Variants in NHSL1 observed in about 807,000 individuals in gnomAD.
NHSL1 encodes the protein NHS like 1.
A neutral mutation model predicts 95.0 loss-of-function variants in NHSL1; 48 were observed. The observed-to-expected ratio is 0.51, with a 90% CI of 0.40 to 0.64. The LOEUF (loss-of-function observed/expected upper bound fraction) is 0.64, where lower values mean the gene tolerates loss of function less well. Ranked by LOEUF, NHSL1 falls within the 30% of genes least tolerant of loss-of-function variation. The pLI is 0.00. For synonymous variants in NHSL1, 783 were observed against 833.9 expected (o/e 0.94, Z 1.05); for missense variants, 1,971 against 2,077.7 (o/e 0.95, Z 1.00).
At chr6:138,651,343 T>C (rs1785090714) in intron 1 of NHSL1, among the ~76,000 whole-genome samples, 1 of 152,234 alleles carries the variant, frequency 6.6e-6, no homozygotes, top group African/African-American at 2.4e-5. Flanking sequence ...TATGACAGTT[T>C]TCCTTTGTAT....
Position 138,433,504 on chromosome 6 carries a change from C to A in NHSL1, c.841G>T (p.Ala281Ser). The A allele has an allele frequency of 1.3e-6, 2 of 1,552,062 alleles. No homozygotes were observed. Among genetic ancestry groups the A allele is most frequent in the Non-Finnish European group, 1.7e-6 (2 of 1,147,106 alleles). ...VVPPSMRRIR[A>S]QKGQGIAAQM... ...GCAGCAATGCCTTGCCCCTTCTGTG[C>A]CCTGATTCTCCTCATGGAAGGTGGT... Residue 281 changes from alanine to serine, a missense_variant, in exon 6 of 8, where the codon GCA (alanine) becomes TCA (serine). Transcript: ENST00000343505.
chr6:138,616,544 G>A (rs1410697897), intron 1 of NHSL1, among the ~76,000 whole-genome samples: 2 of 152,024 alleles, frequency 1.3e-5, no homozygotes, highest in Non-Finnish European at 2.9e-5. Context: ...GAGAGAGAGA[G>A]AGAGCAAGTG....
In NHSL1 at chr6:138,447,070, T is replaced by C. The variant is rs761776586; in HGVS notation, c.463A>G (p.Thr155Ala). The change falls in exon 4 of 8, where the codon ACA becomes GCA. Residue 155 changes from threonine (T) to alanine (A), a missense_variant. Physicochemically the swap from Thr to Ala is moderately conservative, Grantham distance 58. This residue lies in a region of NHSL1 where 1,602 missense variants were observed against 1,654.5 expected (regional missense o/e 0.97). Transcript: ENST00000343505. Reference protein sequence around the residue: ...TNWTKSLPLPTPEEKMRQQAQ... With the variant: ...TNWTKSLPLPAPEEKMRQQAQ... ...TGCTGTCGCATCTTCTCTTCTGGTG[T>C]TGGCAGTGGAAGCGACTTGGTCCAG... The C allele has an allele frequency of 2.6e-6, 4 of 1,551,720 alleles. No homozygotes were observed. Among genetic ancestry groups the C allele is most frequent in the South Asian group, 1.2e-5 (1 of 84,056 alleles).
At chr6:138,617,723 G>A (rs1018658582) in intron 1 of NHSL1, among the ~76,000 whole-genome samples, 4 of 152,244 alleles carry the variant, frequency 2.6e-5, no homozygotes, top group Admixed American at 6.5e-5. Context: ...TTCTGAGAAG[G>A]TCAAGAATTC....
chr6:138,477,338 AC>A (rs1779138563), intron 2 of NHSL1, among the ~76,000 whole-genome samples: 1 of 152,226 alleles, frequency 6.6e-6, no homozygotes, highest in South Asian at 2.1e-4. Flanking sequence ...AGTGGGTCAC[AC>A]CTGTAATCCC....
exon 1 of NHSL1, chr6:138,571,769 C>T (rs1015703458): frequency 6.4e-7 from 1 of 1,552,334 alleles, no homozygotes; most frequent in Non-Finnish European, 8.7e-7. Flanking sequence ...CTGCTGCCCA[C>T]AAACCGAGAG....
At chr6:138,548,151 T>C (rs540856186), upstream of NHSL1, among the ~76,000 whole-genome samples, 18 of 152,134 alleles carry the variant, frequency 1.2e-4, no homozygotes, top group African/African-American at 3.4e-4. Context: ...CCGGCTAATT[T>C]TTTTTTGTAT....
intron 1 of NHSL1, among the ~76,000 whole-genome samples, chr6:138,524,393 AC>A (rs1781814677): frequency 6.6e-6 from 1 of 152,174 alleles, no homozygotes; most frequent in South Asian, 2.1e-4. Context: ...CCTTGCAGCC[AC>A]TAGCCCCATC....
chr6:138,499,320 T>C lies in NHSL1; in HGVS notation c.-30A>G. 3 of 1,549,378 alleles carry C rather than the reference T, an allele frequency of 1.9e-6. No individual in the cohort carries two copies. The highest frequency in any genetic ancestry group is 2.4e-5 in the South Asian group (2 of 83,956). ...AGGGCACCTACATAGAGCTTAGAAA[T>C]GTAAATCACATTAAAAGCTCAGCCC... On this transcript the variant is annotated 5_prime_UTR_variant, in exon 1 of 8. Transcript: ENST00000343505.
At chr6:138,614,737 G>A (rs1300109424) in intron 1 of NHSL1, among the ~76,000 whole-genome samples, 1 of 152,198 alleles carries the variant, frequency 6.6e-6, no homozygotes, top group African/African-American at 2.4e-5. Flanking sequence ...TGAGTGGCAG[G>A]CAAGCAAGCA....
rs1219393200 is a variant in NHSL1, at chr6:138,430,371, G to A, written c.3952+22C>T. 6 of 1,449,736 alleles carry A rather than the reference G, an allele frequency of 4.1e-6. No homozygotes were observed. The African/African-American group carries it at 7.2e-5, about 17-fold the overall frequency. The allele number at this position is 1,449,736 out of a possible 1,614,324, so 89.8% of individuals were successfully genotyped here. On this transcript the variant is annotated intron_variant, in intron 6 of 7. Transcript: ENST00000343505. This position sits in a 1 kb window ranked among gnomAD's most constrained non-coding sequence, Gnocchi z 4.7. Reference sequence around the variant, plus strand: ...ATATGGGCAGAGGGCACAGGAGAGAGAAGCCAGGAAGCCAGACTCACCTGC... The same window carrying A: ...ATATGGGCAGAGGGCACAGGAGAGAAAAGCCAGGAAGCCAGACTCACCTGC...
chr6:138,680,643 T>C (rs1257104959), intron 1 of NHSL1, among the ~76,000 whole-genome samples: 2 of 152,064 alleles, frequency 1.3e-5, no homozygotes, highest in Non-Finnish European at 2.9e-5. Context: ...TTAAAGCAGG[T>C]TCTCACTCTG....
chr6:138,584,380 G>C (rs1422186443), intron 1 of NHSL1, among the ~76,000 whole-genome samples: 1 of 152,096 alleles, frequency 6.6e-6, no homozygotes, highest in Non-Finnish European at 1.5e-5. Flanking sequence ...AAAAATTTAA[G>C]ATGACTTTAT....
In NHSL1 at chr6:138,430,798, G is replaced by C; in HGVS notation, c.3547C>G (p.Leu1183Val). 1 of 1,551,360 alleles carries C rather than the reference G, an allele frequency of 6.4e-7. No homozygotes were observed. Among genetic ancestry groups the C allele is most frequent in the East Asian group, 2.4e-5 (1 of 40,888 alleles). The change falls in exon 6 of 8, where the codon CTC becomes GTC. Residue 1183 changes from leucine to valine, a missense_variant. Physicochemically the swap from Leu to Val is conservative, Grantham distance 32. This residue lies in a region of NHSL1 where 1,602 missense variants were observed against 1,654.5 expected (regional missense o/e 0.97). Transcript: ENST00000343505. This position sits in a 1 kb window ranked among gnomAD's most constrained non-coding sequence, Gnocchi z 4.7. Reference sequence around the variant, plus strand: ...TTCCTGCTGGGTGAAGAGTCTGGGAGTGGGGTGGTGCTGGGGCTGGGCCGA... The same window carrying C: ...TTCCTGCTGGGTGAAGAGTCTGGGACTGGGGTGGTGCTGGGGCTGGGCCGA... ...EARPSPSTTP[L>V]PDSSPSRKPP...
At chr6:138,576,724 G>T (rs1783978343), upstream of NHSL1, among the ~76,000 whole-genome samples, 2 of 152,202 alleles carry the variant, frequency 1.3e-5, no homozygotes, top group Admixed American at 1.3e-4. Context: ...TCACCAGCGG[G>T]ACGGAAGCCC....
At position 138,473,304 on chromosome 6, in the gene NHSL1, A is replaced by G; in HGVS notation, c.339+2T>C. 6.5e-7 allele frequency: 1 copy of G among 1,537,776 alleles called. No homozygotes were observed. Among genetic ancestry groups the G allele is most frequent in the Non-Finnish European group, 8.8e-7 (1 of 1,141,926 alleles). The stretch of plus-strand genomic sequence containing the variant: ...GACCCCGTGTTGAACTTTGAAGCTT[A>G]CCTTTTGATCTGTTTCTTCATCTTC... On this transcript the variant is annotated splice_donor_variant, in intron 3 of 7. Transcript: ENST00000343505. LOFTEE classifies it high-confidence loss of function.
At chr6:138,436,232 C>T (rs931863773) in intron 5 of NHSL1, among the ~76,000 whole-genome samples, 3 of 152,168 alleles carry the variant, frequency 2.0e-5, no homozygotes, top group Admixed American at 2.0e-4. Context: ...AAAAGCTAGG[C>T]CTCTTGTGCC....
At chr6:138,525,363 A>G (rs574627117) in intron 1 of NHSL1, among the ~76,000 whole-genome samples, 2 of 151,748 alleles carry the variant, frequency 1.3e-5, no homozygotes, top group South Asian at 2.1e-4. Context: ...CTCTCTCTCT[A>G]TAAAAAAATT....
chr6:138,684,502 G>A (rs1785557281), intron 1 of NHSL1, among the ~76,000 whole-genome samples: 1 of 152,070 alleles, frequency 6.6e-6, no homozygotes, highest in Non-Finnish European at 1.5e-5. Context: ...AAAATTAGCT[G>A]GGCGTGGTGG....
Sources: allele counts gnomAD v4.1 joint callset (sites outside exome capture counted in the v4.1 genomes callset), GRCh38; gene constraint gnomAD v4.1.1; regional missense constraint gnomAD v4.1.1; non-coding constraint Gnocchi (gnomAD v3.1); transcripts MANE v1.5; gene names NCBI Gene and HGNC (gene_info 2026-07-23, HGNC 2026-07-21).